Variants in CWF19L2 observed in about 807,000 individuals in gnomAD.
The protein encoded by CWF19L2 is CWF19 like cell cycle control factor 2.
Under a neutral mutation model 111.7 loss-of-function variants are expected in CWF19L2, and 98 were observed. The observed-to-expected ratio is 0.88, with a 90% CI of 0.75 to 1.04. The LOEUF is 1.04. Ranked by LOEUF, CWF19L2 falls within the 50% of genes least tolerant of loss-of-function variation. The pLI, the probability that CWF19L2 is intolerant of heterozygous loss-of-function variation, is 0.00. For missense variants in CWF19L2, 1,101 were observed against 1,051.4 expected (o/e 1.05, Z -0.65); for synonymous variants, 351 against 342.9 (o/e 1.02, Z -0.26).
chr11:107,442,266 T>C (rs1354863162), intron 4 of CWF19L2, among the ~76,000 whole-genome samples: 6 of 152,326 alleles, frequency 3.9e-5, no homozygotes, highest in African/African-American at 1.2e-4. Context: ...CAAACAGCAG[T>C]ACTGCCAAAA....
chr11:107,378,560 T>A (rs1046401139), intron 12 of CWF19L2, among the ~76,000 whole-genome samples: 36 of 152,116 alleles, frequency 2.4e-4, no homozygotes, highest in African/African-American at 8.5e-4. Context: ...AGGTGGGAAT[T>A]GAACAATGAG....
intron 12 of CWF19L2, among the ~76,000 whole-genome samples, chr11:107,356,244 A>G (rs184753217): frequency 6.6e-6 from 1 of 152,346 alleles, no homozygotes; most frequent in African/African-American, 2.4e-5. Context: ...AGCATAATTT[A>G]GAGGGAAAAT....
intron 2 of CWF19L2, 83 bp from the exon 3 acceptor site, chr11:107,454,655 C>T: frequency 1.0e-6 from 1 of 992,302 alleles, no homozygotes; most frequent in Non-Finnish European, 1.3e-6. Flanking sequence ...AAAAAATAAA[C>T]CACATTCTAA....
chr11:107,359,577 G>A (rs1053852832), intron 12 of CWF19L2, among the ~76,000 whole-genome samples: 3 of 152,092 alleles, frequency 2.0e-5, no homozygotes, highest in African/African-American at 4.8e-5. Flanking sequence ...TCCCATTCCT[G>A]TGACTTTAGA....
intron 3 of CWF19L2, among the ~76,000 whole-genome samples, chr11:107,449,210 T>C (rs987828823): frequency 1.3e-5 from 2 of 149,104 alleles, no homozygotes; most frequent in Non-Finnish European, 3.0e-5. Context: ...AAAATGAAGA[T>C]TGCTAGTAGG....
rs1861497481 is a variant in CWF19L2, at chr11:107,433,720, A to T, written c.694T>A (p.Trp232Arg). Residue 232 changes from tryptophan (W) to arginine (R), a missense_variant, in exon 7 of 18, where the codon TGG becomes AGG. By Grantham distance (101) the Trp-to-Arg change is moderately radical. Transcript: ENST00000282251. ...ATTCTTAGATAAGATTTCCTTAGCCAGCTTAATCCACCATCTTCTACCACT... is the reference window on the plus strand; with the variant it reads ...ATTCTTAGATAAGATTTCCTTAGCCTGCTTAATCCACCATCTTCTACCACT... ...VSVVEDGGLSWLRKSYLRMKE... is the reference protein window; with the variant it reads ...VSVVEDGGLSRLRKSYLRMKE... 1.3e-6 allele frequency: 2 copies of T among 1,585,472 alleles called. No homozygotes were observed. The highest frequency in any genetic ancestry group is 4.6e-5 in the East Asian group (2 of 43,188).
intron 10 of CWF19L2, among the ~76,000 whole-genome samples, chr11:107,393,638 G>A (rs922420815): frequency 6.6e-6 from 1 of 152,172 alleles, no homozygotes; most frequent in East Asian, 1.9e-4. Context: ...ATCAACTGAA[G>A]TGTCCACTAA....
intron 5 of CWF19L2, 97 bp from the exon 6 acceptor site, chr11:107,439,280 C>A (rs1047844173): frequency 2.9e-6 from 2 of 690,726 alleles, no homozygotes; most frequent in Non-Finnish European, 4.9e-6. Flanking sequence ...ATAGTCATAA[C>A]CCTGGACAAA....
chr11:107,427,386 T>C (rs547137017), intron 8 of CWF19L2, among the ~76,000 whole-genome samples: 24 of 152,168 alleles, frequency 1.6e-4, no homozygotes, highest in African/African-American at 5.3e-4. Context: ...TATACACACA[T>C]ATATAGCTTT....
At chr11:107,453,424 G>A (rs1175026955) in intron 3 of CWF19L2, among the ~76,000 whole-genome samples, 2 of 151,994 alleles carry the variant, frequency 1.3e-5, no homozygotes, top group Non-Finnish European at 2.9e-5. Context: ...TTCTGCTTGA[G>A]GAGAGGAGAG....
intron 14 of CWF19L2, among the ~76,000 whole-genome samples, chr11:107,345,042 C>G (rs536662114): frequency 2.0e-5 from 3 of 152,052 alleles, no homozygotes; most frequent in Non-Finnish European, 4.4e-5. Context: ...AGGCATGGCT[C>G]GTGCCTCCTC....
At chr11:107,340,072 A>G (rs931335024) in intron 14 of CWF19L2, among the ~76,000 whole-genome samples, 1 of 152,024 alleles carries the variant, frequency 6.6e-6, no homozygotes, top group Non-Finnish European at 1.5e-5. Context: ...GTTTGCAAAT[A>G]TTTTCTCCTA....
chr11:107,331,942 T>G (rs954362976), intron 16 of CWF19L2, among the ~76,000 whole-genome samples: 4 of 152,226 alleles, frequency 2.6e-5, no homozygotes, highest in African/African-American at 9.6e-5. Flanking sequence ...CACTTCCTTT[T>G]TTCTGCACTG....
At chr11:107,402,934 G>A (rs1290847533) in intron 10 of CWF19L2, among the ~76,000 whole-genome samples, 1 of 136,760 alleles carries the variant, frequency 7.3e-6, no homozygotes. Context: ...AAAAAGGAAT[G>A]AATTTATAGC....
chr11:107,445,038 G>A (rs1467841982), intron 3 of CWF19L2, among the ~76,000 whole-genome samples: 1 of 152,164 alleles, frequency 6.6e-6, no homozygotes, highest in African/African-American at 2.4e-5. Flanking sequence ...GGCATTGGGA[G>A]AGGCCATTTC....
intron 12 of CWF19L2, 141 bp from the exon 13 acceptor site, chr11:107,353,877 T>G: frequency 1.6e-6 from 1 of 641,742 alleles, no homozygotes; most frequent in South Asian, 2.0e-5. Context: ...TGATTAATAT[T>G]TGTTTGATCT....
chr11:107,405,519 T>C (rs1861064032), intron 10 of CWF19L2, among the ~76,000 whole-genome samples: 2 of 152,158 alleles, frequency 1.3e-5, no homozygotes, highest in African/African-American at 4.8e-5. Context: ...TGTTAAAATA[T>C]CTATGCTTGA....
chr11:107,402,115 A>G, intron 10 of CWF19L2, among the ~76,000 whole-genome samples: 1 of 152,242 alleles, frequency 6.6e-6, no homozygotes, highest in East Asian at 1.9e-4. Context: ...CTAAGACCTG[A>G]AACTATAAAA....
At chr11:107,395,096 A>G (rs1860903116) in intron 10 of CWF19L2, among the ~76,000 whole-genome samples, 1 of 152,186 alleles carries the variant, frequency 6.6e-6, no homozygotes, top group African/African-American at 2.4e-5. Context: ...TGTAGCTCCC[A>G]TAATTTCCAC....
Sources: allele counts gnomAD v4.1 joint callset (sites outside exome capture counted in the v4.1 genomes callset), GRCh38; gene constraint gnomAD v4.1.1; transcripts MANE v1.5; gene names NCBI Gene and HGNC (gene_info 2026-07-23, HGNC 2026-07-21).